STXBP5L: variants seen among roughly 807,000 people sequenced by gnomAD.
STXBP5L encodes syntaxin binding protein 5L.
STXBP5L carries 65 observed loss-of-function variants against 144.5 expected under a neutral mutation model. The observed-to-expected ratio is 0.45, with a 90% confidence interval of 0.37 to 0.55. The LOEUF (loss-of-function observed/expected upper bound fraction) is 0.55, where lower values mean the gene tolerates loss of function less well. STXBP5L is among the 20% of genes least tolerant of loss of function. The pLI, the probability that STXBP5L is intolerant of heterozygous loss-of-function variation, is 0.00. For missense variants in STXBP5L, 1,298 were observed against 1,405.5 expected (o/e 0.92, Z 1.22); for synonymous variants, 505 against 469.6 (o/e 1.08, Z -0.97).
At chr3:121,065,398 A>C (rs1258041729) in intron 5 of STXBP5L, among the ~76,000 whole-genome samples, 2 of 152,118 alleles carry the variant, frequency 1.3e-5, no homozygotes, top group Non-Finnish European at 2.9e-5. Context: ...CATTATATAA[A>C]CACACACACA....
intron 3 of STXBP5L, among the ~76,000 whole-genome samples, chr3:121,014,454 G>T (rs1331153459): frequency 1.3e-5 from 2 of 151,888 alleles, no homozygotes; most frequent in Non-Finnish European, 2.9e-5. Flanking sequence ...TCAGCATAAT[G>T]ATTTAATCTT....
At chr3:121,252,204 T>C (rs1379730555) in intron 15 of STXBP5L, among the ~76,000 whole-genome samples, 2 of 151,466 alleles carry the variant, frequency 1.3e-5, no homozygotes, top group Non-Finnish European at 2.9e-5. Flanking sequence ...TACTAAAAAA[T>C]ATATAATATA....
At chr3:121,347,618 T>G (rs1278941703) in intron 20 of STXBP5L, among the ~76,000 whole-genome samples, 4 of 152,190 alleles carry the variant, frequency 2.6e-5, no homozygotes, top group Non-Finnish European at 5.9e-5. Flanking sequence ...TTTCTTTGTA[T>G]CCTCTTTTAT....
At chr3:121,106,039 A>C (rs1240459551) in intron 5 of STXBP5L, among the ~76,000 whole-genome samples, 1 of 152,190 alleles carries the variant, frequency 6.6e-6, no homozygotes, top group African/African-American at 2.4e-5. Context: ...TGTTTTGATC[A>C]TTAATGGCCC....
intron 19 of STXBP5L, among the ~76,000 whole-genome samples, chr3:121,281,546 G>A (rs2051059364): frequency 6.6e-6 from 1 of 151,978 alleles, no homozygotes; most frequent in Admixed American, 6.6e-5. Flanking sequence ...AGTTTGCAAT[G>A]CTAAAAGCAC....
chr3:121,086,632 C>G (rs1203891193), intron 5 of STXBP5L, among the ~76,000 whole-genome samples: 1 of 152,046 alleles, frequency 6.6e-6, no homozygotes. Context: ...TTAGATTTTT[C>G]TGAATATTGG....
At chr3:121,010,658 C>T (rs1576653901) in intron 3 of STXBP5L, among the ~76,000 whole-genome samples, 1 of 151,980 alleles carries the variant, frequency 6.6e-6, no homozygotes, top group South Asian at 2.1e-4. Flanking sequence ...CTGTTGACTG[C>T]AAGCCATACT....
chr3:121,240,410 A>G, intron 13 of STXBP5L, 30 bp from the exon 14 acceptor site: 1 of 1,598,124 alleles, frequency 6.3e-7, no homozygotes, highest in Non-Finnish European at 8.6e-7. Flanking sequence ...TTAAACATGT[A>G]TATATATTCT....
rs1434740476 is a variant in STXBP5L at position 120,915,886 on chromosome 3, A to G, written c.189+6119A>G. 2.0e-5 allele frequency among the ~76,000 whole-genome samples: 3 copies of G among 152,186 alleles called. No homozygotes were observed. In the East Asian group the frequency reaches 5.8e-4, roughly 29 times the overall value. On this transcript the variant is annotated intron_variant, in intron 2 of 26. Transcript: ENST00000471454. ...AAGTATATAGTGGGTTCACCATGAT[A>G]CTTAGGGAGAGACTTGATTAAATGA... is the stretch of plus-strand genomic sequence containing the variant.
chr3:121,252,546 G>A (rs538026585), intron 15 of STXBP5L, among the ~76,000 whole-genome samples: 3 of 152,208 alleles, frequency 2.0e-5, no homozygotes, highest in Admixed American at 6.5e-5. Flanking sequence ...ATTGCAGCAT[G>A]TTTAATATTT....
At chr3:121,386,903 C>A (rs2046439930) in intron 22 of STXBP5L, among the ~76,000 whole-genome samples, 1 of 152,142 alleles carries the variant, frequency 6.6e-6, no homozygotes, top group African/African-American at 2.4e-5. Flanking sequence ...GATTTATAAT[C>A]CTTTGTGTAT....
chr3:121,305,652 T>C (rs2043313387), intron 19 of STXBP5L, among the ~76,000 whole-genome samples: 1 of 152,116 alleles, frequency 6.6e-6, no homozygotes, highest in Non-Finnish European at 1.5e-5. Flanking sequence ...ATTTCCTCAA[T>C]AGAATAAACC....
chr3:121,011,561 T>C (rs2108136322), intron 3 of STXBP5L, among the ~76,000 whole-genome samples: 1 of 151,778 alleles, frequency 6.6e-6, no homozygotes, highest in African/African-American at 2.4e-5. Flanking sequence ...CTGCTTACCA[T>C]TATAGCTAAA....
At chr3:121,044,593 A>G (rs538397972) in intron 4 of STXBP5L, among the ~76,000 whole-genome samples, 1 of 152,294 alleles carries the variant, frequency 6.6e-6, no homozygotes, top group South Asian at 2.1e-4. Context: ...CTCTGGATTT[A>G]GGATCTGTGA....
chr3:121,233,766 G>A (rs909272843), intron 12 of STXBP5L, 78 bp downstream of exon 12: 2 of 1,123,282 alleles, frequency 1.8e-6, no homozygotes, highest in African/African-American at 3.2e-5. Context: ...CTTTTGATAG[G>A]AAGTATTCTT....
chr3:121,251,468 A>C (rs2050023884), intron 15 of STXBP5L, among the ~76,000 whole-genome samples: 1 of 152,196 alleles, frequency 6.6e-6, no homozygotes, highest in Non-Finnish European at 1.5e-5. Flanking sequence ...TGATGGAGTT[A>C]ACATTTAGTG....
At chr3:120,983,272 G>T (rs1941973488) in intron 3 of STXBP5L, among the ~76,000 whole-genome samples, 1 of 152,192 alleles carries the variant, frequency 6.6e-6, no homozygotes, top group Admixed American at 6.5e-5. Context: ...GGGCAGGGTG[G>T]CAGCACTGTG....
intron 2 of STXBP5L, among the ~76,000 whole-genome samples, chr3:120,913,748 G>A (rs752482573): frequency 2.0e-5 from 3 of 151,880 alleles, no homozygotes; most frequent in Non-Finnish European, 4.4e-5. Flanking sequence ...CAAGTGTCAA[G>A]TCCTTCTAGA....
At chr3:121,315,369 G>A (rs2043746097) in intron 19 of STXBP5L, among the ~76,000 whole-genome samples, 1 of 151,454 alleles carries the variant, frequency 6.6e-6, no homozygotes, top group Non-Finnish European at 1.5e-5. Flanking sequence ...ATCATTCTCA[G>A]CAAACTATCG....
Sources: gnomAD v4.1 joint callset for allele counts (sites outside exome capture counted in the v4.1 genomes callset) on GRCh38, gnomAD v4.1.1 for gene constraint, MANE v1.5 for transcripts, NCBI Gene and HGNC (gene_info 2026-07-23, HGNC 2026-07-21) for gene names.